The following PRKG1 variants were observed in gnomAD, a reference collection of about 807,000 sequenced individuals.
PRKG1 encodes the protein protein kinase cGMP-dependent 1.
A neutral mutation model predicts 88.1 loss-of-function variants in PRKG1; 35 were observed. The ratio of observed to expected loss-of-function variants is 0.40; its 90% CI spans 0.30 to 0.53. The LOEUF is 0.53. Ranked by LOEUF, PRKG1 falls within the 20% of genes least tolerant of loss-of-function variation. PRKG1 has a pLI of 0.59. For missense variants in PRKG1, 540 were observed against 839.8 expected (o/e 0.64, Z 4.41); for synonymous variants, 303 against 292.5 (o/e 1.04, Z -0.37).
intron 5 of PRKG1, among the ~76,000 whole-genome samples, chr10:51,963,092 A>G (rs534561338): frequency 1.3e-5 from 2 of 151,742 alleles, no homozygotes; most frequent in South Asian, 2.1e-4. Context: ...TTTTGCAATG[A>G]ATTCTTTCTG....
At chr10:51,575,542 C>G (rs1208681879) in intron 3 of PRKG1, among the ~76,000 whole-genome samples, 1 of 151,902 alleles carries the variant, frequency 6.6e-6, no homozygotes, top group Non-Finnish European at 1.5e-5. Context: ...AGACCTGATT[C>G]TTCTTTTTAT....
At chr10:51,149,264 T>C (rs1226269351) in intron 1 of PRKG1, among the ~76,000 whole-genome samples, 1 of 152,166 alleles carries the variant, frequency 6.6e-6, no homozygotes, top group Non-Finnish European at 1.5e-5. Context: ...CCTACTGTTA[T>C]TTACATATTG....
intron 1 of PRKG1, among the ~76,000 whole-genome samples, chr10:50,995,665 C>G (rs943267313): frequency 2.0e-5 from 3 of 152,198 alleles, no homozygotes; most frequent in Non-Finnish European, 4.4e-5. Context: ...CTTTCCCTTA[C>G]TCTTTTTGCA....
intron 3 of PRKG1, among the ~76,000 whole-genome samples, chr10:51,752,338 A>G (rs12258204): frequency 0.019 from 2,908 of 152,280 alleles, 95 homozygotes; most frequent in African/African-American, 0.066. Flanking sequence ...CCTGTGCAAG[A>G]CTATCTGCCT....
intron 5 of PRKG1, among the ~76,000 whole-genome samples, chr10:52,020,219 T>G (rs1469597027): frequency 1.3e-5 from 2 of 152,136 alleles, no homozygotes; most frequent in Non-Finnish European, 2.9e-5. Flanking sequence ...CTATTTTATA[T>G]TGTTCTTATT....
At chr10:51,303,518 A>G (rs1230862895) in intron 2 of PRKG1, among the ~76,000 whole-genome samples, 1 of 151,586 alleles carries the variant, frequency 6.6e-6, no homozygotes, top group Non-Finnish European at 1.5e-5. Context: ...TACTCTTTCA[A>G]CTCAATGATT....
chr10:51,311,820 C>T (rs1475175185), intron 2 of PRKG1, among the ~76,000 whole-genome samples: 1 of 152,100 alleles, frequency 6.6e-6, no homozygotes, highest in African/African-American at 2.4e-5. Flanking sequence ...AGTAAACATA[C>T]TATGGAAAGG....
chr10:51,238,568 G>C (rs1216170086), intron 2 of PRKG1, among the ~76,000 whole-genome samples: 1 of 151,346 alleles, frequency 6.6e-6, no homozygotes, highest in African/African-American at 2.4e-5. Context: ...GGCAACAAGA[G>C]TGAGACTCTA....
intron 5 of PRKG1, among the ~76,000 whole-genome samples, chr10:52,011,942 G>GT (rs1844893843): frequency 6.6e-6 from 1 of 152,184 alleles, no homozygotes; most frequent in Non-Finnish European, 1.5e-5. Flanking sequence ...TGCCATCCAT[G>GT]TAAGACTTGA....
intron 4 of PRKG1, among the ~76,000 whole-genome samples, chr10:51,875,644 G>A (rs748290256): frequency 2.0e-5 from 3 of 152,062 alleles, no homozygotes; most frequent in Non-Finnish European, 2.9e-5. Context: ...AGTATCTTTC[G>A]ACTTTCCATG....
At chr10:51,590,930 G>T (rs1332503613) in intron 3 of PRKG1, among the ~76,000 whole-genome samples, 1 of 152,140 alleles carries the variant, frequency 6.6e-6, no homozygotes, top group Non-Finnish European at 1.5e-5. Context: ...TCAAACATTG[G>T]TAAGCACAAG....
intron 4 of PRKG1, among the ~76,000 whole-genome samples, chr10:51,825,538 G>T (rs970864558): frequency 1.2e-4 from 19 of 152,226 alleles, no homozygotes; most frequent in South Asian, 8.3e-4. Context: ...GTACAGAGAT[G>T]GGAAAATTTA....
intron 3 of PRKG1, among the ~76,000 whole-genome samples, chr10:51,630,313 C>T (rs117486374): frequency 6.6e-4 from 101 of 152,252 alleles, no homozygotes; most frequent in Non-Finnish European, 1.3e-3. Context: ...TAATCACATC[C>T]TGCAAAACAT....
At chr10:51,754,699 A>G (rs1837812433) in intron 3 of PRKG1, among the ~76,000 whole-genome samples, 1 of 152,202 alleles carries the variant, frequency 6.6e-6, no homozygotes, top group Non-Finnish European at 1.5e-5. Flanking sequence ...CCCATTAGTG[A>G]AGTAGTCACC....
intron 7 of PRKG1, among the ~76,000 whole-genome samples, chr10:52,133,388 A>C (rs1035721929): frequency 1.3e-5 from 2 of 152,140 alleles, no homozygotes; most frequent in African/African-American, 4.8e-5. Context: ...AGGGTCTTTA[A>C]AGTAAGGAAA....
At chr10:51,377,603 T>A (rs1842843010) in intron 2 of PRKG1, among the ~76,000 whole-genome samples, 1 of 152,126 alleles carries the variant, frequency 6.6e-6, no homozygotes, top group Non-Finnish European at 1.5e-5. Flanking sequence ...ACATGGTGTT[T>A]TTTTTTTCTA....
At chr10:51,268,795 G>T (rs1839902970) in intron 2 of PRKG1, among the ~76,000 whole-genome samples, 1 of 152,190 alleles carries the variant, frequency 6.6e-6, no homozygotes. Context: ...GAAATCACAA[G>T]GGTATTGACT....
chr10:52,206,483 T>A (rs191713160), intron 9 of PRKG1, among the ~76,000 whole-genome samples: 1 of 152,338 alleles, frequency 6.6e-6, no homozygotes, highest in East Asian at 1.9e-4. Flanking sequence ...AAGAAGACAT[T>A]CTGGCTTTTT....
chr10:51,460,866 T>G (rs528052660), intron 2 of PRKG1, among the ~76,000 whole-genome samples: 1 of 152,290 alleles, frequency 6.6e-6, no homozygotes, highest in East Asian at 1.9e-4. Flanking sequence ...ATTCTCTATA[T>G]CTAAATATTA....
Sources: gnomAD v4.1 joint callset for allele counts (sites outside exome capture counted in the v4.1 genomes callset) on GRCh38, gnomAD v4.1.1 for gene constraint, MANE v1.5 for transcripts, NCBI Gene and HGNC (gene_info 2026-07-23, HGNC 2026-07-21) for gene names.